Variants in ADK observed in about 807,000 individuals in gnomAD.
The protein encoded by ADK is N6,N6-dimethyladenosine kinase.
In ADK, 24 loss-of-function variants were observed where a neutral mutation model predicts 44.7. That is an observed-to-expected ratio of 0.54 (90% CI 0.39 to 0.76). The LOEUF (loss-of-function observed/expected upper bound fraction) is 0.76. Ranked by LOEUF, ADK falls within the 30% of genes least tolerant of loss-of-function variation. The pLI is 0.00. For synonymous variants in ADK, 128 were observed against 142.6 expected (o/e 0.90, Z 0.73); for missense variants, 321 against 425.1 (o/e 0.76, Z 2.15).
At chr10:74,354,300 C>T (rs1419789892) in intron 4 of ADK, among the ~76,000 whole-genome samples, 1 of 119,580 alleles carries the variant, frequency 8.4e-6, no homozygotes, top group East Asian at 2.1e-4. Context: ...GCCTCATTGA[C>T]TCTCACGGAA....
At chr10:74,603,270 A>T (rs1036165079) in intron 9 of ADK, among the ~76,000 whole-genome samples, 1 of 151,936 alleles carries the variant, frequency 6.6e-6, no homozygotes, top group Non-Finnish European at 1.5e-5. Context: ...ATTTTTTTTT[A>T]ATGATACTTT....
At chr10:74,304,066 T>C (rs1840169247) in intron 3 of ADK, among the ~76,000 whole-genome samples, 1 of 152,224 alleles carries the variant, frequency 6.6e-6, no homozygotes, top group Non-Finnish European at 1.5e-5. Flanking sequence ...TACATTGTTA[T>C]GTGATTCATA....
rs1347054345 is a variant in ADK at position 74,394,200 on chromosome 10, A to C, written c.333A>C (p.Lys111Asn). ...ATFFGCIGID[K>N]FGEILKRKAA... is the part of the protein sequence containing the mutation. ...TTTTTGGATGCATTGGGATAGATAA[A>C]TTTGGGGAGATCCTGAAGAGAAAAG... Residue 111 changes from lysine (K) to asparagine (N), a missense_variant, in exon 5 of 11, where the codon AAA becomes AAC. By Grantham distance (94) the Lys-to-Asn change is moderately conservative (BLOSUM62 0). Coordinates refer to ENST00000539909, the MANE Select transcript of ADK (RefSeq NM_006721.4). The C allele has an allele frequency of 7.4e-6, 12 of 1,613,926 alleles. No individual in the cohort carries two copies. Among genetic ancestry groups the C allele is most frequent in the Non-Finnish European group, 9.3e-6 (11 of 1,179,968 alleles).
At chr10:74,348,748 G>A (rs778769885) in intron 4 of ADK, among the ~76,000 whole-genome samples, 3 of 151,378 alleles carry the variant, frequency 2.0e-5, no homozygotes, top group Non-Finnish European at 2.9e-5. Context: ...AACACAGCAC[G>A]AGCACTTCAT....
intron 10 of ADK, among the ~76,000 whole-genome samples, chr10:74,702,558 T>TCCTTCCTTCCTTCCTC (rs1856467907): frequency 1.3e-5 from 2 of 149,624 alleles, no homozygotes; most frequent in Non-Finnish European, 3.0e-5. Context: ...CTTCCTTCCT[T>TCCTTCCTTCCTTCCTC]CCTTCCTTCC....
intron 4 of ADK, among the ~76,000 whole-genome samples, chr10:74,381,304 AT>A (rs959205134): frequency 3.3e-5 from 5 of 152,196 alleles, no homozygotes; most frequent in Non-Finnish European, 5.9e-5. Flanking sequence ...TCTGTATTAG[AT>A]TTTTGCTAAA....
At chr10:74,163,262 G>A (rs1841952749) in intron 1 of ADK, among the ~76,000 whole-genome samples, 1 of 152,170 alleles carries the variant, frequency 6.6e-6, no homozygotes, top group Non-Finnish European at 1.5e-5. Context: ...CACTGTGCCC[G>A]GCCAACAGTA....
At position 74,464,391 on chromosome 10, in the gene ADK, A is replaced by T. The variant is rs190662099; in HGVS notation, c.556-60865A>T. Among the ~76,000 whole-genome samples, 476 of 144,396 alleles carry T rather than the reference A, an allele frequency of 3.3e-3. 5 individuals are homozygous for T. Among genetic ancestry groups the T allele is most frequent in the African/African-American group, 0.012 (444 of 37,330 alleles). 94.7% of individuals were successfully genotyped at this position (144,396 alleles called of 152,430 possible). A position where few individuals can be genotyped will look rare whatever the true frequency, so the allele number is the denominator to read the frequency against. On this transcript the variant is annotated intron_variant, in intron 6 of 10. Transcript: ENST00000539909. ...GGGAGACCCCCATCTCTATTAATTT[A>T]AAAAAAAAAATTACCTGGACATGGT...
At position 74,525,368 on chromosome 10, in the gene ADK, A is replaced by G. The variant is rs1328497391; in HGVS notation, c.668A>G (p.Tyr223Cys). 2 of 1,613,718 alleles carry G rather than the reference A, an allele frequency of 1.2e-6. No homozygotes were observed. Among genetic ancestry groups the G allele is most frequent in the Middle Eastern group, 1.7e-4 (1 of 6,058 alleles). ...TCTGCACCGTTTATTAGCCAGTTCT[A>G]CAAGGAATCATTGATGAAAGTTATG... ...NLSAPFISQF[Y>C]KESLMKVMPY... is the part of the protein sequence containing the mutation. The change falls in exon 7 of 11, where the codon TAC becomes TGC. Residue 223 changes from tyrosine (Y) to cysteine (C), a missense_variant. Tyr to Cys is a radical substitution (Grantham distance 194). Transcript: ENST00000539909.
intron 3 of ADK, among the ~76,000 whole-genome samples, chr10:74,252,539 A>C (rs1213881175): frequency 6.6e-6 from 1 of 152,188 alleles, no homozygotes; most frequent in African/African-American, 2.4e-5. Context: ...CACTGCACCT[A>C]ATTTAATTGG....
At chr10:74,620,296 T>C (rs539817028) in intron 9 of ADK, among the ~76,000 whole-genome samples, 1 of 152,316 alleles carries the variant, frequency 6.6e-6, no homozygotes, top group Non-Finnish European at 1.5e-5. Context: ...GCCTCTAATA[T>C]CCTCTGTTCT....
intron 1 of ADK, among the ~76,000 whole-genome samples, chr10:74,157,405 TAAAA>T (rs893301697): frequency 6.6e-6 from 1 of 150,908 alleles, no homozygotes; most frequent in African/African-American, 2.4e-5. Context: ...ATAATGGTCA[TAAAA>T]AAACATGAAT....
intron 4 of ADK, among the ~76,000 whole-genome samples, chr10:74,318,027 G>A (rs1036857354): frequency 9.9e-5 from 15 of 152,034 alleles, no homozygotes; most frequent in Non-Finnish European, 1.9e-4. Context: ...TGATCCACCC[G>A]CCTCGGCTTC....
chr10:74,299,687 G>T (rs972304983), intron 3 of ADK, among the ~76,000 whole-genome samples: 6 of 151,446 alleles, frequency 4.0e-5, no homozygotes, highest in African/African-American at 1.5e-4. Flanking sequence ...AAACTATAAG[G>T]TTGTAAAGCC....
chr10:74,338,187 A>G (rs900956394), intron 4 of ADK, among the ~76,000 whole-genome samples: 1 of 152,214 alleles, frequency 6.6e-6, no homozygotes, highest in African/African-American at 2.4e-5. Context: ...AAGCCATGTA[A>G]AATATTTTCA....
chr10:74,506,736 TGTAA>T (rs1314702422), intron 6 of ADK: 1 of 152,268 alleles, frequency 6.6e-6, no homozygotes, highest in Non-Finnish European at 1.5e-5. Flanking sequence ...GTGTATGGTC[TGTAA>T]GTGTTTGCCT....
intron 1 of ADK, among the ~76,000 whole-genome samples, chr10:74,189,176 G>A (rs1170110762): frequency 2.0e-5 from 3 of 152,090 alleles, no homozygotes; most frequent in Admixed American, 6.5e-5. Context: ...ATTTCGATGT[G>A]TTCAATTCAA....
At chr10:74,628,328 G>C (rs1440092421) in intron 9 of ADK, among the ~76,000 whole-genome samples, 2 of 152,016 alleles carry the variant, frequency 1.3e-5, no homozygotes. Context: ...ACGATTCTTG[G>C]ATGTTGACCT....
chr10:74,437,512 T>C (rs1564721851), intron 6 of ADK, among the ~76,000 whole-genome samples: 1 of 151,928 alleles, frequency 6.6e-6, no homozygotes, highest in Non-Finnish European at 1.5e-5. Context: ...ACCCTAGGAG[T>C]CATCCTTGAT....
Sources: allele counts gnomAD v4.1 joint callset (sites outside exome capture counted in the v4.1 genomes callset), GRCh38; gene constraint gnomAD v4.1.1; transcripts MANE v1.5; gene names NCBI Gene and HGNC (gene_info 2026-07-23, HGNC 2026-07-21).